The following TMCO5A variants were observed in gnomAD, a reference collection of about 807,000 sequenced individuals.
The protein encoded by TMCO5A is transmembrane and coiled-coil domains 5A, also known as transmembrane and coiled-coil domain-containing protein 5A.
Under a neutral mutation model 42.3 loss-of-function variants are expected in TMCO5A, and 34 were observed. That is an observed-to-expected ratio of 0.80 (90% CI 0.61 to 1.07). TMCO5A has a LOEUF of 1.07. TMCO5A is among the 50% of genes least tolerant of loss of function. The pLI, the probability that TMCO5A is intolerant of heterozygous loss-of-function variation, is 0.00. For synonymous variants in TMCO5A, 131 were observed against 115.6 expected, an observed-to-expected ratio of 1.13 and a Z score of -0.86; for missense variants, 357 against 327.9, an observed-to-expected ratio of 1.09 and a Z score of -0.69.
rs11366248 is a variant in TMCO5A at position 37,938,236 on chromosome 15, GA to G, written c.387+14del. Reference sequence around the variant, plus strand: ...AGCCCTAGAAGAGACAAAGGTAAATGAAAAAAACAATCCTAAATGTGGTTGG... The same window carrying G: ...AGCCCTAGAAGAGACAAAGGTAAATGAAAAAACAATCCTAAATGTGGTTGG... On this transcript the variant is annotated splice_region_variant and intron_variant, in intron 6 of 11. Coordinates refer to ENST00000319669, the MANE Select transcript of TMCO5A (RefSeq NM_152453.4). 0.23 allele frequency: 352,395 copies of G among 1,557,260 alleles called. 44,255 individuals are homozygous for G. The highest frequency in any genetic ancestry group is 0.48 in the African/African-American group (34,928 of 72,206).
chr15:38,008,805 A>C, the TMCO5A span, among the ~76,000 whole-genome samples: 1 of 152,182 alleles, frequency 6.6e-6, no homozygotes, highest in South Asian at 2.1e-4. Flanking sequence ...ACAACGCATG[A>C]CCATCTGCCA....
At chr15:38,026,900 C>T in the TMCO5A span, among the ~76,000 whole-genome samples, 1 of 152,216 alleles carries the variant, frequency 6.6e-6, no homozygotes, top group Non-Finnish European at 1.5e-5. Flanking sequence ...GTTGAGCCTA[C>T]AGGTGCACAG....
chr15:37,950,913 G>A (rs968517805), intron 11 of TMCO5A, 123 bp from the exon 12 acceptor site: 2 of 795,856 alleles, frequency 2.5e-6, no homozygotes, highest in Non-Finnish European at 4.0e-6. Context: ...AGGTTGTCAG[G>A]AAAGGGGGTG....
At chr15:38,008,124 T>A in the TMCO5A span, among the ~76,000 whole-genome samples, 1 of 151,764 alleles carries the variant, frequency 6.6e-6, no homozygotes, top group African/African-American at 2.4e-5. Context: ...CTCGATCTCC[T>A]GACCTCGTGA....
the TMCO5A span, among the ~76,000 whole-genome samples, chr15:37,975,838 T>C: frequency 6.6e-6 from 1 of 151,416 alleles, no homozygotes; most frequent in South Asian, 2.1e-4. Flanking sequence ...TGTACTTCAG[T>C]GTGTTTTTGT....
At chr15:37,953,414 G>A (rs143087305), downstream of TMCO5A, among the ~76,000 whole-genome samples, 4 of 152,186 alleles carry the variant, frequency 2.6e-5, no homozygotes, top group East Asian at 1.9e-4. Flanking sequence ...AAGAGAATAC[G>A]AACCTTTGCC....
chr15:38,012,010 G>T, the TMCO5A span, among the ~76,000 whole-genome samples: 1 of 152,118 alleles, frequency 6.6e-6, no homozygotes, highest in African/African-American at 2.4e-5. Flanking sequence ...TGTAGTCCCA[G>T]CTACTCAGGA....
At chr15:37,977,677 T>C in the TMCO5A span, among the ~76,000 whole-genome samples, 1 of 152,248 alleles carries the variant, frequency 6.6e-6, no homozygotes, top group Non-Finnish European at 1.5e-5. Flanking sequence ...TTGGCACTCC[T>C]GGGTTGCATA....
chr15:37,938,241 A>C lies in TMCO5A; in HGVS notation c.387+12A>C. 5.1e-6 allele frequency: 8 copies of C among 1,556,928 alleles called. No homozygotes were observed. The highest frequency in any genetic ancestry group is 7.0e-6 in the Non-Finnish European group (8 of 1,148,932). ...TAGAAGAGACAAAGGTAAATGAAAA[A>C]AACAATCCTAAATGTGGTTGGGCTA... On this transcript the variant is annotated intron_variant, in intron 6 of 11. Transcript: ENST00000319669.
At chr15:38,039,602 C>G in the TMCO5A span, among the ~76,000 whole-genome samples, 3 of 152,152 alleles carry the variant, frequency 2.0e-5, no homozygotes, top group African/African-American at 7.2e-5. Context: ...AGAGTATACC[C>G]CACAGGTATA....
chr15:38,036,493 CT>C, the TMCO5A span, among the ~76,000 whole-genome samples: 11 of 83,812 alleles, frequency 1.3e-4, no homozygotes, highest in Non-Finnish European at 1.9e-4. Context: ...GTCTCTCTCT[CT>C]CTCACACACA....
chr15:38,012,027 A>G, the TMCO5A span, among the ~76,000 whole-genome samples: 1 of 152,082 alleles, frequency 6.6e-6, no homozygotes, highest in Middle Eastern at 3.4e-3. Context: ...AGGAGGCTGA[A>G]GGAGGAGAAT....
At chr15:37,982,856 T>C in the TMCO5A span, among the ~76,000 whole-genome samples, 1 of 150,178 alleles carries the variant, frequency 6.7e-6, no homozygotes, top group African/African-American at 2.4e-5. Flanking sequence ...ATATGATTCA[T>C]GGAGACAAAG....
chr15:38,037,722 AAGT>A, the TMCO5A span, among the ~76,000 whole-genome samples: 39 of 152,142 alleles, frequency 2.6e-4, no homozygotes, highest in African/African-American at 9.2e-4. Context: ...CTGTAAATAA[AAGT>A]AATTGTTGGC....
chr15:38,032,593 G>A, the TMCO5A span, among the ~76,000 whole-genome samples: 2 of 152,116 alleles, frequency 1.3e-5, no homozygotes, highest in African/African-American at 4.8e-5. Context: ...CTTTTCCACT[G>A]ACATAAAATC....
At chr15:37,952,295 C>A (rs1051246852), downstream of TMCO5A, among the ~76,000 whole-genome samples, 1 of 152,002 alleles carries the variant, frequency 6.6e-6, no homozygotes, top group Non-Finnish European at 1.5e-5. Context: ...GGCAGCACAG[C>A]TCATGGCTCC....
At chr15:38,037,625 G>A in the TMCO5A span, among the ~76,000 whole-genome samples, 1 of 152,198 alleles carries the variant, frequency 6.6e-6, no homozygotes, top group Admixed American at 6.5e-5. Flanking sequence ...TGCAGAACTA[G>A]AGATGTGGGC....
At chr15:37,973,571 G>T in the TMCO5A span, among the ~76,000 whole-genome samples, 1 of 151,814 alleles carries the variant, frequency 6.6e-6, no homozygotes, top group Non-Finnish European at 1.5e-5. Context: ...TTTGGCTCTC[G>T]GCTTGGCTAT....
chr15:37,972,536 T>G (rs1333128021), downstream of TMCO5A, among the ~76,000 whole-genome samples: 1 of 152,254 alleles, frequency 6.6e-6, no homozygotes, highest in Non-Finnish European at 1.5e-5. Context: ...TGATGATTAG[T>G]GATGTTGAGC....
Sources: allele counts gnomAD v4.1 joint callset (sites outside exome capture counted in the v4.1 genomes callset), GRCh38; gene constraint gnomAD v4.1.1; transcripts MANE v1.5; gene names NCBI Gene and HGNC (gene_info 2026-07-23, HGNC 2026-07-21).